Variants in SPATA13 observed in about 807,000 individuals in gnomAD.
SPATA13 encodes the protein spermatogenesis-associated protein 13.
In SPATA13, 50 loss-of-function variants were observed where a neutral mutation model predicts 104.0. The observed-to-expected ratio is 0.48, with a 90% confidence interval of 0.38 to 0.61. SPATA13 has a LOEUF of 0.61. SPATA13 is among the 20% of genes least tolerant of loss of function. The pLI is 0.00. For synonymous variants in SPATA13, 606 were observed against 667.5 expected, an observed-to-expected ratio of 0.91 and a Z score of 1.42; for missense variants, 1,524 against 1,690.6, an observed-to-expected ratio of 0.90 and a Z score of 1.73.
At chr13:24,103,867 C>T (rs1473806474) in intron 3 of SPATA13, among the ~76,000 whole-genome samples, 1 of 152,066 alleles carries the variant, frequency 6.6e-6, no homozygotes, top group Non-Finnish European at 1.5e-5. Context: ...CCAGAGCTGC[C>T]GTGCCACTAT....
At chr13:24,144,642 C>T (rs552629626) in intron 3 of SPATA13, among the ~76,000 whole-genome samples, 39 of 152,220 alleles carry the variant, frequency 2.6e-4, no homozygotes, top group African/African-American at 7.2e-4. Context: ...CACTCAGCTC[C>T]GTCCGGGTTG....
chr13:24,222,803 T>C lies in SPATA13; in HGVS notation c.-111-16T>C. 1.3e-6 allele frequency: 2 copies of C among 1,499,478 alleles called. No homozygotes were observed. Among genetic ancestry groups the C allele is most frequent in the Non-Finnish European group, 1.8e-6 (2 of 1,118,102 alleles). The allele number at this position is 1,499,478 out of a possible 1,614,324, so 92.9% of individuals were successfully genotyped here. A position where few individuals can be genotyped will look rare whatever the true frequency, so the allele number is the denominator to read the frequency against. ...GTGGGAAATGGCTAAACCGCCTGCT[T>C]TGTCTTTCACTGCAGCCCGTGGCCA... On this transcript the variant is annotated splice_polypyrimidine_tract_variant and intron_variant, in intron 1 of 12. Transcript: ENST00000382108.
intron 3 of SPATA13, among the ~76,000 whole-genome samples, chr13:24,155,037 T>C (rs1882218524): frequency 6.6e-6 from 1 of 152,090 alleles, no homozygotes; most frequent in Admixed American, 6.6e-5. Flanking sequence ...TTTGTGTTTT[T>C]ACTAGAGCCA....
chr13:24,193,050 G>A (rs1398361902), intron 1 of SPATA13, among the ~76,000 whole-genome samples: 1 of 152,204 alleles, frequency 6.6e-6, no homozygotes, highest in East Asian at 1.9e-4. Context: ...AGCCCTGGGG[G>A]GCCAGGCTGA....
intron 3 of SPATA13, among the ~76,000 whole-genome samples, chr13:24,053,557 T>TAGAC (rs1878438258): frequency 6.6e-6 from 1 of 152,146 alleles, no homozygotes; most frequent in Middle Eastern, 3.2e-3. Context: ...AGCACCCTTA[T>TAGAC]AGACTTCCCT....
chr13:24,255,655 A>C lies in SPATA13; in HGVS notation c.2164+3793A>C, dbSNP rs568562387. ...GGCCTAGAGAGATTAGCAGTACATT[A>C]ATTATAAAAGCTGCTGTCACATGGG... On this transcript the variant is annotated intron_variant, in intron 4 of 12. Coordinates refer to ENST00000382108, the MANE Select transcript of SPATA13 (RefSeq NM_001166271.3). Among the ~76,000 whole-genome samples the C allele has an allele frequency of 1.1e-4, 17 of 152,324 alleles. No homozygotes were observed. In the South Asian group the frequency reaches 3.5e-3, roughly 32 times the overall value.
At chr13:24,047,396 A>C (rs1303464808) in intron 3 of SPATA13, among the ~76,000 whole-genome samples, 1 of 152,168 alleles carries the variant, frequency 6.6e-6, no homozygotes, top group East Asian at 1.9e-4. Flanking sequence ...CAAAATCCTA[A>C]TCTTGTGGCC....
chr13:24,108,059 G>C (rs573323784), intron 3 of SPATA13, among the ~76,000 whole-genome samples: 1 of 152,206 alleles, frequency 6.6e-6, no homozygotes, highest in Non-Finnish European at 1.5e-5. Context: ...GTCTGGATAG[G>C]GCCTGATCCT....
chr13:24,107,053 G>A (rs557537715), intron 3 of SPATA13, among the ~76,000 whole-genome samples: 2 of 150,578 alleles, frequency 1.3e-5, no homozygotes, highest in South Asian at 2.1e-4. Flanking sequence ...TGATAAGGAC[G>A]GGGAAAAAAA....
intron 1 of SPATA13, among the ~76,000 whole-genome samples, chr13:24,181,664 G>C (rs1329130822): frequency 6.6e-6 from 1 of 151,902 alleles, no homozygotes; most frequent in Non-Finnish European, 1.5e-5. Context: ...AGGTCTTCAG[G>C]GGAAGTAACA....
At chr13:23,992,627 A>C (rs992992643) in intron 2 of SPATA13, among the ~76,000 whole-genome samples, 10 of 152,172 alleles carry the variant, frequency 6.6e-5, no homozygotes, top group African/African-American at 2.4e-4. Flanking sequence ...CTGAAGGGTC[A>C]ATTTCCGGGA....
At chr13:23,990,974 T>A (rs894735169) in intron 2 of SPATA13, among the ~76,000 whole-genome samples, 2 of 152,070 alleles carry the variant, frequency 1.3e-5, no homozygotes, top group Admixed American at 6.6e-5. Flanking sequence ...TGGCTGAAGT[T>A]TTATTTGCCT....
At chr13:24,162,264 A>T (rs1436789107) in intron 1 of SPATA13, among the ~76,000 whole-genome samples, 1 of 151,474 alleles carries the variant, frequency 6.6e-6, no homozygotes, top group African/African-American at 2.4e-5. Context: ...TTGTTTCCCC[A>T]TGTTTCTCCC....
intron 3 of SPATA13, among the ~76,000 whole-genome samples, chr13:24,140,393 T>C (rs1221708506): frequency 6.6e-6 from 1 of 152,350 alleles, no homozygotes; most frequent in African/African-American, 2.4e-5. Context: ...AAAAGGTTCA[T>C]TGAAGCTGGA....
chr13:24,043,209 T>C (rs1389886866), intron 3 of SPATA13, among the ~76,000 whole-genome samples: 3 of 152,232 alleles, frequency 2.0e-5, no homozygotes, highest in African/African-American at 7.2e-5. Flanking sequence ...CTCCCTTAGC[T>C]GCCTCGCCTT....
chr13:24,062,972 TG>T (rs1400992303), intron 3 of SPATA13, among the ~76,000 whole-genome samples: 1 of 152,136 alleles, frequency 6.6e-6, no homozygotes, highest in Non-Finnish European at 1.5e-5. Context: ...AAAGTGCCCC[TG>T]GGGGTTTGTG....
intron 9 of SPATA13, among the ~76,000 whole-genome samples, chr13:24,294,345 T>C (rs1876606004): frequency 1.3e-5 from 2 of 152,224 alleles, no homozygotes; most frequent in Admixed American, 1.3e-4. Flanking sequence ...TGGTTAGTGA[T>C]TTTTAAAGTA....
chr13:23,988,627 A>C (rs979933208), intron 2 of SPATA13, among the ~76,000 whole-genome samples: 2 of 152,286 alleles, frequency 1.3e-5, no homozygotes, highest in East Asian at 3.9e-4. Context: ...TTTATAAAGA[A>C]TCTGTCTCCC....
intron 3 of SPATA13, among the ~76,000 whole-genome samples, chr13:24,077,721 C>G (rs575371767): frequency 6.6e-6 from 1 of 152,256 alleles, no homozygotes; most frequent in Non-Finnish European, 1.5e-5. Flanking sequence ...ATGCTGTAGG[C>G]CCCAGGACCG....
Sources: allele counts gnomAD v4.1 joint callset (sites outside exome capture counted in the v4.1 genomes callset), GRCh38; gene constraint gnomAD v4.1.1; transcripts MANE v1.5; gene names NCBI Gene and HGNC (gene_info 2026-07-23, HGNC 2026-07-21).